GLCCI1: variants seen among roughly 807,000 people sequenced by gnomAD.
GLCCI1 encodes glucocorticoid induced 1.
GLCCI1 carries 24 observed loss-of-function variants against 52.2 expected under a neutral mutation model. The observed-to-expected ratio is 0.46, with a 90% CI of 0.33 to 0.65. The LOEUF (loss-of-function observed/expected upper bound fraction) is 0.65. Ranked by LOEUF, GLCCI1 falls within the 30% of genes least tolerant of loss-of-function variation. GLCCI1 has a pLI of 0.02. For synonymous variants in GLCCI1, 310 were observed against 276.5 expected (o/e 1.12, Z -1.20); for missense variants, 704 against 701.5 (o/e 1.00, Z -0.04).
At chr7:7,997,191 A>G (rs769402947) in intron 1 of GLCCI1, among the ~76,000 whole-genome samples, 33 of 152,148 alleles carry the variant, frequency 2.2e-4, no homozygotes, top group Non-Finnish European at 4.4e-4. Context: ...TTGTATTCTC[A>G]GTTATTTTGT....
At chr7:8,013,451 A>C (rs1173167110) in intron 2 of GLCCI1, among the ~76,000 whole-genome samples, 1 of 152,078 alleles carries the variant, frequency 6.6e-6, no homozygotes, top group East Asian at 1.9e-4. Context: ...TATCTTTTTT[A>C]ATACTGAATG....
chr7:7,971,558 TC>T (rs1344941260), intron 1 of GLCCI1, among the ~76,000 whole-genome samples: 2 of 152,172 alleles, frequency 1.3e-5, no homozygotes, highest in African/African-American at 4.8e-5. Context: ...AAGAGAAGTT[TC>T]GGCAATTGCT....
chr7:8,049,672 C>T (rs1203947863), intron 3 of GLCCI1, among the ~76,000 whole-genome samples: 4 of 152,128 alleles, frequency 2.6e-5, no homozygotes, highest in Admixed American at 6.6e-5. Flanking sequence ...AGTTTCACGG[C>T]TTGTAATATC....
chr7:8,055,861 C>T (rs1429698025), intron 4 of GLCCI1: 6 of 179,844 alleles, frequency 3.3e-5, no homozygotes, highest in East Asian at 1.6e-4. Flanking sequence ...GGCGTCGTGC[C>T]GGGCGCCTGT....
chr7:8,036,912 A>T (rs1583990044), intron 3 of GLCCI1, among the ~76,000 whole-genome samples: 2 of 152,162 alleles, frequency 1.3e-5, no homozygotes, highest in East Asian at 3.8e-4. Flanking sequence ...AAACCTCCAA[A>T]CCTTGTCATA....
intron 1 of GLCCI1, chr7:7,980,594 G>A: frequency 3.0e-6 from 2 of 671,178 alleles, no homozygotes; most frequent in South Asian, 3.6e-5. Flanking sequence ...TCTATTTTTG[G>A]CCTAGGATTG....
chr7:8,087,119 A>G lies in GLCCI1; in HGVS notation c.*581A>G, dbSNP rs1265772596. 3 of 152,704 alleles carry G rather than the reference A, an allele frequency of 2.0e-5. No homozygotes were observed. Among genetic ancestry groups the G allele is most frequent in the African/African-American group, 7.2e-5 (3 of 41,474 alleles). 9.5% of individuals were successfully genotyped at this position (152,704 alleles called of 1,614,324 possible). A position where few individuals can be genotyped will look rare whatever the true frequency, so the allele number is the denominator to read the frequency against. On this transcript the variant is annotated 3_prime_UTR_variant, in exon 8 of 8. Transcript: ENST00000223145. ...TGGGATATTAAATATTTCACAGCTA[A>G]AAAGCTAAAGAGGGAACATCACTCT...
chr7:7,997,908 CAG>C (rs1300854378), intron 1 of GLCCI1, among the ~76,000 whole-genome samples: 1 of 150,168 alleles, frequency 6.7e-6, no homozygotes, highest in Non-Finnish European at 1.5e-5. Context: ...GCCTGGGTGA[CAG>C]AGTGAGACTC....
intron 4 of GLCCI1, 188 bp downstream of exon 4, chr7:8,055,737 C>T (rs1187382120): frequency 2.4e-6 from 1 of 419,438 alleles, no homozygotes; most frequent in Non-Finnish European, 4.4e-6. Context: ...CGCCTGTAAT[C>T]CCAGCACTTT....
chr7:7,976,011 G>T (rs1325779226), intron 1 of GLCCI1, among the ~76,000 whole-genome samples: 1 of 152,180 alleles, frequency 6.6e-6, no homozygotes, highest in Non-Finnish European at 1.5e-5. Context: ...ACTAAACAGA[G>T]ACTGGTCTCA....
In GLCCI1 at chr7:8,086,806, G is replaced by A. The variant is rs976534427; in HGVS notation, c.*268G>A. 4.8e-5 allele frequency: 17 copies of A among 355,232 alleles called. 1 individual carries two copies. In the South Asian group the frequency reaches 7.4e-4, roughly 16 times the overall value. 22.0% of individuals were successfully genotyped at this position (355,232 alleles called of 1,614,324 possible). On this transcript the variant is annotated 3_prime_UTR_variant, in exon 8 of 8. Transcript: ENST00000223145. The surrounding 1 kb of genome is among the most constrained non-coding windows in gnomAD (Gnocchi z 4.4). ...ATAGTATATTTGACAGATTAGTACT[G>A]TGTCCTGTGTTTTGTTCCAGATTCT...
At chr7:8,050,010 A>G (rs1468750914) in intron 3 of GLCCI1, among the ~76,000 whole-genome samples, 1 of 152,218 alleles carries the variant, frequency 6.6e-6, no homozygotes, top group Non-Finnish European at 1.5e-5. Flanking sequence ...ACATTTCTAT[A>G]TTAAAACTTA....
At chr7:8,085,818 A>G (rs980046397) in intron 7 of GLCCI1, among the ~76,000 whole-genome samples, 1 of 152,232 alleles carries the variant, frequency 6.6e-6, no homozygotes, top group Non-Finnish European at 1.5e-5. Context: ...TAAATACGTG[A>G]TGGACGAATG....
chr7:8,046,964 G>C (rs760901729), intron 3 of GLCCI1, among the ~76,000 whole-genome samples: 18 of 151,964 alleles, frequency 1.2e-4, no homozygotes, highest in South Asian at 4.1e-4. Context: ...TGTGTCTTCA[G>C]ATTGAAAAAG....
chr7:8,029,485 G>A (rs1182519196), intron 3 of GLCCI1, among the ~76,000 whole-genome samples: 1 of 152,006 alleles, frequency 6.6e-6, no homozygotes, highest in Non-Finnish European at 1.5e-5. Context: ...AGCTATTATT[G>A]TGCTGAATAG....
Position 8,088,921 on chromosome 7 carries a change from T to G in GLCCI1, c.*2383T>G, listed in dbSNP as rs1047658406. ...TTTGTCAGAAATTGTTTAAATTTTG[T>G]ATATAATTGTACTGTTTAATTCTAG... On this transcript the variant is annotated 3_prime_UTR_variant, in exon 8 of 8. Transcript: ENST00000223145. 2 of 152,688 alleles carry G rather than the reference T, an allele frequency of 1.3e-5. No homozygotes were observed. The highest frequency in any genetic ancestry group is 2.4e-5 in the African/African-American group (1 of 41,470). The allele number at this position is 152,688 out of a possible 1,614,324, so 9.5% of individuals were successfully genotyped here. A position where few individuals can be genotyped will look rare whatever the true frequency, so the allele number is the denominator to read the frequency against.
rs530025856 is a variant in GLCCI1 at position 8,086,578 on chromosome 7, C to T, written c.*40C>T. ...GCCTCCACCCTATGTTCCATGGATT[C>T]GGAACAAGATTTCAGACATCTGCAT... is the stretch of plus-strand genomic sequence containing the variant. On this transcript the variant is annotated 3_prime_UTR_variant, in exon 8 of 8. Coordinates refer to ENST00000223145, the MANE Select transcript of GLCCI1 (RefSeq NM_138426.4). This position sits in a 1 kb window ranked among gnomAD's most constrained non-coding sequence, Gnocchi z 4.4. The T allele has an allele frequency of 2.0e-5, 30 of 1,475,158 alleles. No homozygotes were observed. The South Asian group carries it at 3.1e-4, about 15-fold the overall frequency. The allele number at this position is 1,475,158 out of a possible 1,614,324, so 91.4% of individuals were successfully genotyped here. A position where few individuals can be genotyped will look rare whatever the true frequency, so the allele number is the denominator to read the frequency against.
chr7:8,030,093 C>G (rs1781712506), intron 3 of GLCCI1, among the ~76,000 whole-genome samples: 1 of 152,074 alleles, frequency 6.6e-6, no homozygotes. Context: ...CCAAAGCTGT[C>G]CTAAGCGAAA....
intron 3 of GLCCI1, among the ~76,000 whole-genome samples, chr7:8,053,597 T>G (rs190119507): frequency 9.1e-4 from 139 of 151,938 alleles, no homozygotes; most frequent in African/African-American, 3.2e-3. Flanking sequence ...AGTGCTGGGA[T>G]TACAGGTGTG....
Sources: allele counts gnomAD v4.1 joint callset (sites outside exome capture counted in the v4.1 genomes callset), GRCh38; gene constraint gnomAD v4.1.1; non-coding constraint Gnocchi (gnomAD v3.1); transcripts MANE v1.5; gene names NCBI Gene and HGNC (gene_info 2026-07-23, HGNC 2026-07-21).